Variants in COL6A6 observed in about 807,000 individuals in gnomAD.
COL6A6 encodes the protein collagen type VI alpha 6 chain.
In COL6A6, 183 loss-of-function variants were observed where a neutral mutation model predicts 208.6. The observed-to-expected ratio is 0.88, with a 90% confidence interval of 0.78 to 0.99. The LOEUF (loss-of-function observed/expected upper bound fraction) is 0.99, where lower values mean the gene tolerates loss of function less well. Ranked by LOEUF, COL6A6 falls within the 50% of genes least tolerant of loss-of-function variation. COL6A6 has a pLI of 0.00. For synonymous variants in COL6A6, 973 were observed against 1,011.8 expected (o/e 0.96, Z 0.73); for missense variants, 2,816 against 2,815.2 (o/e 1.00, Z -0.01).
At chr3:130,560,603 T>G (rs146841566) in intron 2 of COL6A6, among the ~76,000 whole-genome samples, 175 bp downstream of exon 2, 45 of 152,322 alleles carry the variant, frequency 3.0e-4, no homozygotes, top group African/African-American at 1.0e-3. Flanking sequence ...CCTTTGAAGA[T>G]CATTTGTTTC....
At chr3:130,603,184 G>A (rs913695242) in intron 20 of COL6A6, among the ~76,000 whole-genome samples, 21 of 152,182 alleles carry the variant, frequency 1.4e-4, no homozygotes, top group African/African-American at 4.8e-4. Flanking sequence ...TCCTGTCAAG[G>A]AACTTAGAAT....
In COL6A6 at chr3:130,623,898, G is replaced by A. The variant is rs1455012214; in HGVS notation, c.4878+2015G>A. On this transcript the variant is annotated intron_variant, in intron 24 of 36. Coordinates refer to ENST00000358511, the MANE Select transcript of COL6A6 (RefSeq NM_001102608.3). ...AAAAGCACACTGGATTTTGAGTAGA[G>A]TTCAAGAAGGGAGGTGAAGAGTACC... Among the ~76,000 whole-genome samples, 19 of 152,144 alleles carry A rather than the reference G, an allele frequency of 1.2e-4. 1 individual carries two copies. The highest frequency in any genetic ancestry group is 1.2e-3 in the Admixed American group (19 of 15,264).
chr3:130,628,019 AG>A (rs1014921456), intron 26 of COL6A6, among the ~76,000 whole-genome samples: 10 of 152,254 alleles, frequency 6.6e-5, no homozygotes, highest in Non-Finnish European at 1.3e-4. Flanking sequence ...TTGCTGAGAC[AG>A]AAAAGAGAAC....
At chr3:130,541,770 TG>T (rs1188028121) in intron 1 of COL6A6, among the ~76,000 whole-genome samples, 1 of 152,256 alleles carries the variant, frequency 6.6e-6, no homozygotes, top group Non-Finnish European at 1.5e-5. Flanking sequence ...CTTAAATGTC[TG>T]GCAAAACCCA....
rs538646220 is a variant in COL6A6 at position 130,531,310 on chromosome 3, G to A, written c.-32+13913G>A. On this transcript the variant is annotated intron_variant, in intron 1 of 36. Transcript: ENST00000358511. ...TATTAGCAGCATACTAACAACAGTA[G>A]TGGGTTGACCTCTACCCACTAGATG... Among the ~76,000 whole-genome samples the A allele has an allele frequency of 2.6e-5, 4 of 152,180 alleles. No homozygotes were observed. In the South Asian group the frequency reaches 8.3e-4, roughly 32 times the overall value.
intron 28 of COL6A6, among the ~76,000 whole-genome samples, chr3:130,639,282 T>C (rs568858752): frequency 1.7e-4 from 26 of 152,358 alleles, no homozygotes; most frequent in Non-Finnish European, 3.5e-4. Flanking sequence ...AATATTTTTG[T>C]CTTTTTTGCC....
intron 31 of COL6A6, among the ~76,000 whole-genome samples, chr3:130,643,739 A>C (rs1404151552): frequency 1.3e-5 from 2 of 152,234 alleles, no homozygotes; most frequent in Admixed American, 1.3e-4. Flanking sequence ...ATGACTTTCC[A>C]AATAACAATA....
intron 9 of COL6A6, 43 bp downstream of exon 9, chr3:130,581,947 A>C: frequency 6.3e-7 from 1 of 1,589,998 alleles, no homozygotes; most frequent in Non-Finnish European, 8.6e-7. Context: ...GATTGCAATG[A>C]ACCCTTTTTA....
chr3:130,621,218 A>G (rs1014698513), intron 23 of COL6A6, among the ~76,000 whole-genome samples: 1 of 152,138 alleles, frequency 6.6e-6, no homozygotes, highest in African/African-American at 2.4e-5. Flanking sequence ...TGATAAATTT[A>G]TTCTAAGCAT....
intron 1 of COL6A6, among the ~76,000 whole-genome samples, chr3:130,550,695 G>T (rs1299862366): frequency 2.0e-5 from 3 of 152,160 alleles, no homozygotes; most frequent in Non-Finnish European, 4.4e-5. Context: ...GCAAGGGAAA[G>T]ACCAGCCCCA....
At chr3:130,646,949 A>G (rs750288469) in intron 32 of COL6A6, among the ~76,000 whole-genome samples, 1 of 152,188 alleles carries the variant, frequency 6.6e-6, no homozygotes, top group Non-Finnish European at 1.5e-5. Context: ...CCTAGTTTAG[A>G]GAGGACTGTA....
intron 1 of COL6A6, among the ~76,000 whole-genome samples, chr3:130,532,262 G>A: frequency 6.6e-6 from 1 of 152,148 alleles, no homozygotes; most frequent in South Asian, 2.1e-4. Context: ...GGGAGTACCT[G>A]TGCTTGACAC....
chr3:130,646,763 C>A (rs1280951787), intron 32 of COL6A6, among the ~76,000 whole-genome samples: 2 of 152,160 alleles, frequency 1.3e-5, no homozygotes, highest in Admixed American at 1.3e-4. Flanking sequence ...GCAAGCTGAG[C>A]TTTGCACATT....
chr3:130,595,680 AAT>A (rs1412190298), intron 18 of COL6A6, among the ~76,000 whole-genome samples: 3 of 152,216 alleles, frequency 2.0e-5, no homozygotes, highest in Admixed American at 6.5e-5. Flanking sequence ...TCATTGTGTG[AAT>A]ATACCATGAT....
rs3074299 is a variant in COL6A6, at chr3:130,642,243, ATGTGTGTGTG to A, written c.5155-555_5155-546del. ...TCTATCCCAAACTCTGACAGATTAT[ATGTGTGTGTG>A]TGTGTGTGTGTGTGTGTGTGTGTGT... On this transcript the variant is annotated intron_variant, in intron 29 of 36. Transcript: ENST00000358511. Among the ~76,000 whole-genome samples the A allele has an allele frequency of 9.0e-3, 1,282 of 142,202 alleles. 10 individuals carry two copies. Among genetic ancestry groups the A allele is most frequent in the East Asian group, 0.036 (175 of 4,856 alleles). The allele number at this position is 142,202 out of a possible 152,430, so 93.3% of individuals were successfully genotyped here.
chr3:130,642,243 A>ATGTGTGTGTGTG lies in COL6A6; in HGVS notation c.5155-557_5155-546dup, dbSNP rs3074299. The stretch of plus-strand genomic sequence containing the variant: ...TCTATCCCAAACTCTGACAGATTAT[A>ATGTGTGTGTGTG]TGTGTGTGTGTGTGTGTGTGTGTGT... On this transcript the variant is annotated intron_variant, in intron 29 of 36. Transcript: ENST00000358511. 2.9e-3 allele frequency among the ~76,000 whole-genome samples: 408 copies of ATGTGTGTGTGTG among 142,194 alleles called. 4 individuals carry two copies. The highest frequency in any genetic ancestry group is 8.8e-3 in the African/African-American group (334 of 38,140). 93.3% of individuals were successfully genotyped at this position (142,194 alleles called of 152,430 possible). A position where few individuals can be genotyped will look rare whatever the true frequency, so the allele number is the denominator to read the frequency against.
chr3:130,586,517 C>T lies in COL6A6; in HGVS notation c.3982C>T (p.Leu1328Phe), dbSNP rs771013371. Residue 1328 changes from leucine to phenylalanine, a missense_variant, in exon 11 of 37, where the codon CTC (leucine) becomes TTC (phenylalanine). Transcript: ENST00000358511. ...ACTGTGTTGGATAGGCCTGAATGCC[C>T]TCATAACTGTTGCTCTGGATGGACC... ...DELRKEGLNA[L>F]ITVALDGPAD... 13 of 1,612,920 alleles carry T rather than the reference C, an allele frequency of 8.1e-6. No homozygotes were observed. Among genetic ancestry groups the T allele is most frequent in the Non-Finnish European group, 8.5e-6 (10 of 1,179,536 alleles).
chr3:130,659,851 G>A (rs559163357), intron 34 of COL6A6, among the ~76,000 whole-genome samples: 30 of 152,364 alleles, frequency 2.0e-4, no homozygotes, highest in Middle Eastern at 3.4e-3. Context: ...TTCTGAGGGA[G>A]AAGTAGGGTT....
At chr3:130,547,225 C>T (rs930159252) in intron 1 of COL6A6, among the ~76,000 whole-genome samples, 8 of 152,366 alleles carry the variant, frequency 5.3e-5, no homozygotes, top group African/African-American at 1.4e-4. Flanking sequence ...GGCTGAGGCC[C>T]AGGGAGAATT....
Sources: allele counts gnomAD v4.1 joint callset (sites outside exome capture counted in the v4.1 genomes callset), GRCh38; gene constraint gnomAD v4.1.1; transcripts MANE v1.5; gene names NCBI Gene and HGNC (gene_info 2026-07-23, HGNC 2026-07-21).